Variants in KHDRBS2 observed in about 807,000 individuals in gnomAD.
The protein encoded by KHDRBS2 is KH RNA binding domain containing, signal transduction associated 2, also known as KH domain-containing, RNA-binding, signal transduction-associated protein 2.
In KHDRBS2, 26 loss-of-function variants were observed where a neutral mutation model predicts 44.3. That is an observed-to-expected ratio of 0.59 (90% CI 0.43 to 0.81). The LOEUF (loss-of-function observed/expected upper bound fraction) is 0.81. Among genes scored for constraint, KHDRBS2 ranks in the 40% least tolerant of loss-of-function variants. The pLI is 0.00. For synonymous variants in KHDRBS2, 194 were observed against 151.1 expected (o/e 1.28, Z -2.08); for missense variants, 476 against 433.1 (o/e 1.10, Z -0.88).
the KHDRBS2 span, among the ~76,000 whole-genome samples, chr6:61,559,477 T>G: frequency 2.6e-4 from 40 of 152,010 alleles, no homozygotes; most frequent in African/African-American, 9.4e-4. Flanking sequence ...TTTCTGGTTA[T>G]TTTGTGGTCT....
chr6:61,625,386 T>C, the KHDRBS2 span, among the ~76,000 whole-genome samples: 1 of 149,490 alleles, frequency 6.7e-6, no homozygotes, highest in Non-Finnish European at 1.5e-5. Context: ...CGAGATGGAC[T>C]GTGGTGGCCA....
At chr6:62,034,819 T>C (rs1784988910) in intron 3 of KHDRBS2, among the ~76,000 whole-genome samples, 1 of 151,606 alleles carries the variant, frequency 6.6e-6, no homozygotes, top group Non-Finnish European at 1.5e-5. Flanking sequence ...ATTAAAAATG[T>C]CCAAAAGATC....
At chr6:61,878,166 T>C (rs1454881812) in intron 6 of KHDRBS2, among the ~76,000 whole-genome samples, 2 of 151,938 alleles carry the variant, frequency 1.3e-5, no homozygotes, top group African/African-American at 4.8e-5. Context: ...GCTTCCTCTC[T>C]GCTTGTCTAC....
At chr6:62,033,934 G>T (rs1162882445) in intron 3 of KHDRBS2, among the ~76,000 whole-genome samples, 1 of 151,456 alleles carries the variant, frequency 6.6e-6, no homozygotes, top group Non-Finnish European at 1.5e-5. Flanking sequence ...TAGAAAGAGA[G>T]AGAGAGAGAG....
intron 2 of KHDRBS2, among the ~76,000 whole-genome samples, chr6:62,062,842 TG>T (rs1371409577): frequency 2.7e-5 from 4 of 147,800 alleles, no homozygotes; most frequent in Non-Finnish European, 4.5e-5. Flanking sequence ...ATCCAGGAGC[TG>T]GTTTTTTGAA....
chr6:61,974,322 A>G (rs1412741701), intron 4 of KHDRBS2, among the ~76,000 whole-genome samples: 1 of 152,110 alleles, frequency 6.6e-6, no homozygotes, highest in Non-Finnish European at 1.5e-5. Context: ...ATATGTGGCA[A>G]TCCTGGTGTC....
At chr6:62,136,979 G>A (rs1231879056) in intron 2 of KHDRBS2, among the ~76,000 whole-genome samples, 2 of 145,482 alleles carry the variant, frequency 1.4e-5, no homozygotes, top group Non-Finnish European at 3.0e-5. Flanking sequence ...CTGACTTTCA[G>A]CTTTCTTTCT....
chr6:62,053,558 T>C (rs1371223835), intron 2 of KHDRBS2, among the ~76,000 whole-genome samples: 2 of 151,976 alleles, frequency 1.3e-5, no homozygotes, highest in East Asian at 3.9e-4. Context: ...GGAAAAATGA[T>C]TTGATAGAAT....
intron 7 of KHDRBS2, among the ~76,000 whole-genome samples, chr6:61,698,187 G>A (rs1768132910): frequency 1.3e-5 from 2 of 152,096 alleles, no homozygotes; most frequent in Non-Finnish European, 2.9e-5. Flanking sequence ...TCATGATTCT[G>A]CAAACATTTC....
chr6:62,048,048 T>C (rs1788095442), intron 2 of KHDRBS2, 54 bp from the exon 3 acceptor site: 1 of 1,029,258 alleles, frequency 9.7e-7, no homozygotes, highest in East Asian at 2.4e-5. Flanking sequence ...AAGTGATTAT[T>C]TGCACCAAGA....
intron 2 of KHDRBS2, among the ~76,000 whole-genome samples, chr6:62,118,275 C>T (rs904556930): frequency 2.0e-5 from 3 of 152,122 alleles, no homozygotes; most frequent in African/African-American, 7.2e-5. Flanking sequence ...TATGCAAATG[C>T]CATGCTGTTT....
intron 6 of KHDRBS2, among the ~76,000 whole-genome samples, chr6:61,840,831 C>G (rs753224080): frequency 1.3e-5 from 2 of 152,076 alleles, no homozygotes; most frequent in Non-Finnish European, 2.9e-5. Context: ...AAAGAGCTCA[C>G]CAATTCTGTC....
intron 1 of KHDRBS2, among the ~76,000 whole-genome samples, chr6:62,213,873 CAAAAAAAAAAAAAA>C (rs67482871): frequency 4.8e-5 from 2 of 41,504 alleles, no homozygotes; most frequent in East Asian, 1.1e-3. Context: ...GACTCCATCT[CAAAAAAAAAAAAAA>C]AAAAAAAAAA....
intron 3 of KHDRBS2, among the ~76,000 whole-genome samples, chr6:61,987,336 G>A (rs2127240700): frequency 6.6e-6 from 1 of 152,202 alleles, no homozygotes; most frequent in South Asian, 2.1e-4. Context: ...AATTTCACAG[G>A]AGTAGCTCTT....
At chr6:62,225,276 TTC>T (rs1482394499) in intron 1 of KHDRBS2, among the ~76,000 whole-genome samples, 1 of 152,210 alleles carries the variant, frequency 6.6e-6, no homozygotes, top group Non-Finnish European at 1.5e-5. Context: ...TTGCATCACT[TTC>T]TGTCAGGTTT....
intron 6 of KHDRBS2, among the ~76,000 whole-genome samples, chr6:61,774,941 C>G (rs532025841): frequency 6.6e-6 from 1 of 152,048 alleles, no homozygotes; most frequent in Non-Finnish European, 1.5e-5. Flanking sequence ...GGCTCATCCA[C>G]CATGATCAAG....
chr6:61,879,674 C>T (rs187643614), intron 6 of KHDRBS2, among the ~76,000 whole-genome samples: 115 of 151,950 alleles, frequency 7.6e-4, no homozygotes, highest in African/African-American at 2.7e-3. Flanking sequence ...GCTCAGTATC[C>T]TTTAACATAC....
At chr6:62,126,818 G>A (rs1031218733) in intron 2 of KHDRBS2, among the ~76,000 whole-genome samples, 2 of 152,120 alleles carry the variant, frequency 1.3e-5, no homozygotes, top group African/African-American at 4.8e-5. Context: ...TGATGTAATA[G>A]TTATTTATTC....
chr6:62,036,251 A>G (rs1434817372), intron 3 of KHDRBS2, among the ~76,000 whole-genome samples: 1 of 151,974 alleles, frequency 6.6e-6, no homozygotes, highest in Non-Finnish European at 1.5e-5. Context: ...ACATTTTGTA[A>G]ATAAGTCATA....
Sources: gnomAD v4.1 joint callset for allele counts (sites outside exome capture counted in the v4.1 genomes callset) on GRCh38, gnomAD v4.1.1 for gene constraint, MANE v1.5 for transcripts, NCBI Gene and HGNC (gene_info 2026-07-23, HGNC 2026-07-21) for gene names.